ARSG: variants seen among roughly 807,000 people sequenced by gnomAD.
ARSG encodes ASG.
A neutral mutation model predicts 50.5 loss-of-function variants in ARSG; 37 were observed. The observed-to-expected ratio is 0.73, with a 90% confidence interval of 0.56 to 0.96. The LOEUF (loss-of-function observed/expected upper bound fraction) is 0.96, where lower values mean the gene tolerates loss of function less well. Among genes scored for constraint, ARSG ranks in the 50% least tolerant of loss-of-function variants. The pLI, the probability that ARSG is intolerant of heterozygous loss-of-function variation, is 0.00. For synonymous variants in ARSG, 225 were observed against 254.6 expected (o/e 0.88, Z 1.11); for missense variants, 629 against 675.3 (o/e 0.93, Z 0.76).
chr17:68,363,873 G>A (rs948591783), intron 6 of ARSG, among the ~76,000 whole-genome samples: 1 of 152,122 alleles, frequency 6.6e-6, no homozygotes, highest in Non-Finnish European at 1.5e-5. Flanking sequence ...GGTGGGGCGG[G>A]GGACAAGTGG....
At chr17:68,265,020 G>GGT in intron 1 of ARSG, among the ~76,000 whole-genome samples, 1 of 151,520 alleles carries the variant, frequency 6.6e-6, no homozygotes, top group East Asian at 2.0e-4. Flanking sequence ...TGGGCGTGGT[G>GGT]GCACATGCCT....
At chr17:68,265,679 A>G (rs2075144373) in intron 1 of ARSG, among the ~76,000 whole-genome samples, 1 of 148,972 alleles carries the variant, frequency 6.7e-6, no homozygotes, top group South Asian at 2.1e-4. Context: ...AAGGGGCTGG[A>G]AACTGTGGTC....
At chr17:68,265,712 GTT>G (rs11368011) in intron 1 of ARSG, among the ~76,000 whole-genome samples, 39 of 134,360 alleles carry the variant, frequency 2.9e-4, no homozygotes, top group African/African-American at 8.0e-4. Context: ...CCAGTCCACT[GTT>G]TTTTTTTTTT....
intron 2 of ARSG, among the ~76,000 whole-genome samples, chr17:68,329,644 G>T (rs987795943): frequency 3.9e-5 from 6 of 152,156 alleles, no homozygotes; most frequent in Non-Finnish European, 8.8e-5. Flanking sequence ...CCTGTAGACC[G>T]TGCTGACTTC....
At chr17:68,302,297 C>A (rs562015820) in intron 1 of ARSG, among the ~76,000 whole-genome samples, 2 of 152,148 alleles carry the variant, frequency 1.3e-5, no homozygotes, top group South Asian at 2.1e-4. Context: ...CCTGCTCCCC[C>A]CTGCTCTTTT....
At position 68,399,341 on chromosome 17, in the gene ARSG, G is replaced by A. The variant is rs946233719; in HGVS notation, c.1213-2019G>A. 3.9e-5 allele frequency among the ~76,000 whole-genome samples: 6 copies of A among 152,170 alleles called. No individual in the cohort carries two copies. The highest frequency in any genetic ancestry group is 8.8e-5 in the Non-Finnish European group (6 of 68,038). On this transcript the variant is annotated intron_variant, in intron 10 of 11. Coordinates refer to ENST00000621439, the MANE Select transcript of ARSG (RefSeq NM_001267727.2). This position sits in a 1 kb window ranked among gnomAD's most constrained non-coding sequence, Gnocchi z 4.6. Reference sequence around the variant, plus strand: ...TGAATGGAGAAGAAGCCCACCTTCAGGGGATGCTATATCAGCACCCTGTGG... The same window carrying A: ...TGAATGGAGAAGAAGCCCACCTTCAAGGGATGCTATATCAGCACCCTGTGG...
At chr17:68,436,578 A>G in the ARSG span, 1 of 1,073,274 alleles carries the variant, frequency 9.3e-7, no homozygotes, top group East Asian at 2.5e-5. Flanking sequence ...AGTGCCACCT[A>G]CTGGCAAGGG....
In ARSG at chr17:68,385,177, G is replaced by A. The variant is rs1368601526; in HGVS notation, c.1091+5G>A. ...CACCAGCACTGCCTTGTTAAGGTAT[G>A]AGACCAAAACTACCTTGAGATGTTG... is the stretch of plus-strand genomic sequence containing the variant. On this transcript the variant is annotated splice_donor_5th_base_variant and intron_variant, in intron 9 of 11. Coordinates refer to ENST00000621439, the MANE Select transcript of ARSG (RefSeq NM_001267727.2). The A allele has an allele frequency of 1.9e-6, 3 of 1,612,598 alleles. No homozygotes were observed. The highest frequency in any genetic ancestry group is 1.1e-5 in the South Asian group (1 of 91,034).
At chr17:68,352,983 A>G (rs538580990) in intron 5 of ARSG, among the ~76,000 whole-genome samples, 2 of 152,240 alleles carry the variant, frequency 1.3e-5, no homozygotes, top group Non-Finnish European at 2.9e-5. Context: ...TTCTAAGGCT[A>G]CAGTTGTCTG....
At chr17:68,309,541 G>A (rs2076761293) in intron 2 of ARSG, among the ~76,000 whole-genome samples, 1 of 152,196 alleles carries the variant, frequency 6.6e-6, no homozygotes, top group Admixed American at 6.5e-5. Context: ...CTCCAGTGTG[G>A]GTCACAGAGC....
downstream of ARSG, among the ~76,000 whole-genome samples, chr17:68,425,288 C>T (rs552824701): frequency 1.3e-3 from 197 of 152,278 alleles, 1 homozygote; most frequent in African/African-American, 4.7e-3. Flanking sequence ...ACTGCAGCCT[C>T]GACCTCCCAG....
chr17:68,259,414 C>T (rs185202661), exon 1 of ARSG: 4 of 152,200 alleles, frequency 2.6e-5, no homozygotes, highest in Non-Finnish European at 4.4e-5. Context: ...AGGACCGCGA[C>T]GGCAGCAGAG....
At chr17:68,434,343 C>G in the ARSG span, among the ~76,000 whole-genome samples, 3 of 152,190 alleles carry the variant, frequency 2.0e-5, no homozygotes, top group African/African-American at 4.8e-5. Context: ...AAGGGACTCT[C>G]ACGGCTGAAC....
intron 1 of ARSG, chr17:68,274,494 A>G (rs1241578951): frequency 2.6e-5 from 4 of 153,776 alleles, no homozygotes; most frequent in African/African-American, 9.6e-5. Context: ...ACCATAACAC[A>G]TTTCATGCAA....
chr17:68,436,473 C>T, the ARSG span: 1 of 1,613,828 alleles, frequency 6.2e-7, no homozygotes, highest in East Asian at 2.2e-5. Flanking sequence ...AGAGAGAGCA[C>T]ATAGACCTGG....
upstream of ARSG, among the ~76,000 whole-genome samples, chr17:68,287,182 G>A (rs2075860632): frequency 6.6e-6 from 1 of 152,264 alleles, no homozygotes; most frequent in East Asian, 1.9e-4. Context: ...GTTTCACCAT[G>A]TTGGTCAGGC....
downstream of ARSG, among the ~76,000 whole-genome samples, chr17:68,425,494 T>A (rs1334322976): frequency 6.6e-6 from 1 of 151,672 alleles, no homozygotes; most frequent in Non-Finnish European, 1.5e-5. Context: ...GTGCTGGGAT[T>A]ACAGGTGTGA....
chr17:68,413,241 T>A (rs2082123547), intron 11 of ARSG, among the ~76,000 whole-genome samples: 1 of 152,140 alleles, frequency 6.6e-6, no homozygotes, highest in South Asian at 2.1e-4. Context: ...TTTTTCCCCA[T>A]CTTTGTGGTT....
At chr17:68,389,716 A>G (rs2080902033) in intron 9 of ARSG, among the ~76,000 whole-genome samples, 1 of 152,000 alleles carries the variant, frequency 6.6e-6, no homozygotes, top group Non-Finnish European at 1.5e-5. Flanking sequence ...TCCATCCCCA[A>G]GCAAACCTCT....
Sources: gnomAD v4.1 joint callset for allele counts (sites outside exome capture counted in the v4.1 genomes callset) on GRCh38, gnomAD v4.1.1 for gene constraint, Gnocchi (gnomAD v3.1) non-coding constraint, MANE v1.5 for transcripts, NCBI Gene and HGNC (gene_info 2026-07-23, HGNC 2026-07-21) for gene names.